The following DNAH11 variants were observed in gnomAD, a reference collection of about 807,000 sequenced individuals.
DNAH11 encodes axonemal beta dynein heavy chain 11.
Under a neutral mutation model 526.0 loss-of-function variants are expected in DNAH11, and 442 were observed. That is an observed-to-expected ratio of 0.84 (90% CI 0.78 to 0.91). DNAH11 has a LOEUF of 0.91. DNAH11 is among the 40% of genes least tolerant of loss of function. DNAH11 has a pLI of 0.00. For missense variants in DNAH11, 6,989 were observed against 5,448.7 expected, an observed-to-expected ratio of 1.28 and a Z score of -8.90; for synonymous variants, 2,461 against 1,935.9, an observed-to-expected ratio of 1.27 and a Z score of -7.12.
At chr7:21,595,694 T>C (rs1784835704) in intron 14 of DNAH11, among the ~76,000 whole-genome samples, 1 of 152,110 alleles carries the variant, frequency 6.6e-6, no homozygotes, top group African/African-American at 2.4e-5. Flanking sequence ...GAGTGGGCTA[T>C]TGGATTTACT....
intron 76 of DNAH11, 66 bp from the exon 77 acceptor site, chr7:21,892,359 G>A: frequency 6.4e-7 from 1 of 1,555,698 alleles, no homozygotes; most frequent in South Asian, 1.2e-5. Flanking sequence ...TTCTCGAAGT[G>A]TTGAGGAAGT....
At chr7:21,581,799 CAGAG>C (rs1195444119) in intron 8 of DNAH11, 102 bp from the exon 9 acceptor site, 12 of 691,670 alleles carry the variant, frequency 1.7e-5, no homozygotes, top group South Asian at 9.2e-5. Flanking sequence ...CACTCAGAGA[CAGAG>C]AGCGAGCGAG....
intron 35 of DNAH11, among the ~76,000 whole-genome samples, chr7:21,695,393 G>A (rs1040129951): frequency 6.6e-6 from 1 of 152,186 alleles, no homozygotes. Flanking sequence ...TACCACAACA[G>A]ATGTATAGAC....
chr7:21,623,338 G>A (rs1786171201), intron 25 of DNAH11, among the ~76,000 whole-genome samples: 1 of 150,840 alleles, frequency 6.6e-6, no homozygotes. Context: ...AGGATGTGGA[G>A]AAATAGGAAC....
intron 28 of DNAH11, among the ~76,000 whole-genome samples, chr7:21,649,356 T>C (rs1180731439): frequency 6.6e-6 from 1 of 152,214 alleles, no homozygotes; most frequent in Non-Finnish European, 1.5e-5. Context: ...AGCCACTTTA[T>C]TTATAATAGT....
rs1352433943 is a variant in DNAH11 at position 21,735,857 on chromosome 7, G to C, written c.7645+13G>C. On this transcript the variant is annotated intron_variant, in intron 46 of 81. Coordinates refer to ENST00000409508, the MANE Select transcript of DNAH11 (RefSeq NM_001277115.2). Reference sequence around the variant, plus strand: ...ACAGCTCTGCAAAGTAAGTGCACCTGTTTATTTTCTAGAAACAAGGGATCA... The same window carrying C: ...ACAGCTCTGCAAAGTAAGTGCACCTCTTTATTTTCTAGAAACAAGGGATCA... The C allele has an allele frequency of 1.3e-6, 2 of 1,574,304 alleles. No individual in the cohort carries two copies. The highest frequency in any genetic ancestry group is 1.7e-6 in the Non-Finnish European group (2 of 1,157,382).
chr7:21,723,859 C>T (rs527776206), intron 44 of DNAH11, among the ~76,000 whole-genome samples: 3 of 151,690 alleles, frequency 2.0e-5, no homozygotes, highest in African/African-American at 7.3e-5. Context: ...AAGATGCCTT[C>T]CCTGAACATC....
At chr7:21,578,448 G>T (rs760512903) in intron 8 of DNAH11, among the ~76,000 whole-genome samples, 4 of 152,218 alleles carry the variant, frequency 2.6e-5, no homozygotes, top group Non-Finnish European at 5.9e-5. Flanking sequence ...CTCCACCCCT[G>T]TGGCTCTGCA....
chr7:21,796,097 T>C (rs1050481525), intron 61 of DNAH11, among the ~76,000 whole-genome samples: 3 of 152,038 alleles, frequency 2.0e-5, no homozygotes, highest in Admixed American at 6.5e-5. Flanking sequence ...GGTTAAGAGG[T>C]AAGTGTTTGT....
In DNAH11 at chr7:21,555,377, C is replaced by G. The variant is rs548251688; in HGVS notation, c.496-3425C>G. On this transcript the variant is annotated intron_variant, in intron 2 of 81. Coordinates refer to ENST00000409508, the MANE Select transcript of DNAH11 (RefSeq NM_001277115.2). ...TCTGGGGGAATGTCAGAGGGAGTCT[C>G]TTTGGCTCCCTCTTTCCTTTGGCCC... is the stretch of plus-strand genomic sequence containing the variant. 1.8e-4 allele frequency among the ~76,000 whole-genome samples: 27 copies of G among 152,316 alleles called. No homozygotes were observed. In the South Asian group the frequency reaches 4.4e-3, roughly 25 times the overall value.
chr7:21,588,394 A>T, intron 10 of DNAH11, 118 bp from the exon 11 acceptor site: 1 of 1,382,506 alleles, frequency 7.2e-7, no homozygotes, highest in Non-Finnish European at 9.9e-7. Context: ...TCAAGTGATT[A>T]AACACATATG....
chr7:21,603,598 A>G (rs533617553), intron 18 of DNAH11, among the ~76,000 whole-genome samples: 15 of 152,368 alleles, frequency 9.8e-5, no homozygotes, highest in African/African-American at 3.6e-4. Context: ...GAATTACTGT[A>G]TATGAATTGT....
At chr7:21,647,907 G>A (rs1787435420) in intron 28 of DNAH11, among the ~76,000 whole-genome samples, 1 of 152,064 alleles carries the variant, frequency 6.6e-6, no homozygotes, top group African/African-American at 2.4e-5. Context: ...AAATGTTAGA[G>A]AAAGTTCTTC....
chr7:21,816,566 A>T lies in DNAH11; in HGVS notation c.10432A>T (p.Met3478Leu). The stretch of plus-strand genomic sequence containing the variant: ...TAACGAAGGACTGCCCAGTGACAGA[A>T]TGTCCACCGAAAATGCCGCTATCCT... ...WNNEGLPSDRMSTENAAILTH... is the reference protein window; with the variant it reads ...WNNEGLPSDRLSTENAAILTH... The change falls in exon 64 of 82, where the codon ATG (methionine) becomes TTG (leucine). Residue 3478 changes from methionine (M) to leucine (L), a missense_variant. Coordinates refer to ENST00000409508, the MANE Select transcript of DNAH11 (RefSeq NM_001277115.2). 1 of 1,613,412 alleles carries T rather than the reference A, an allele frequency of 6.2e-7. No homozygotes were observed. The highest frequency in any genetic ancestry group is 2.2e-5 in the East Asian group (1 of 44,856).
At chr7:21,749,132 G>T (rs1468794722) in intron 52 of DNAH11, among the ~76,000 whole-genome samples, 3 of 152,080 alleles carry the variant, frequency 2.0e-5, no homozygotes, top group Non-Finnish European at 4.4e-5. Context: ...TTCCACATTG[G>T]ATAAGAACAG....
intron 14 of DNAH11, among the ~76,000 whole-genome samples, chr7:21,592,977 G>A (rs367786545): frequency 6.6e-6 from 1 of 152,166 alleles, no homozygotes; most frequent in South Asian, 2.1e-4. Flanking sequence ...TGTGTCTTGT[G>A]TTCAGGGCAA....
intron 2 of DNAH11, among the ~76,000 whole-genome samples, chr7:21,552,360 A>G (rs571458263): frequency 1.3e-5 from 2 of 152,312 alleles, no homozygotes; most frequent in South Asian, 4.1e-4. Context: ...AAACCTAAAA[A>G]TTTTTGGAGT....
At chr7:21,622,079 C>T (rs571543699) in intron 25 of DNAH11, among the ~76,000 whole-genome samples, 5,222 of 152,102 alleles carry the variant, frequency 0.034, 267 homozygotes, top group African/African-American at 0.12. Context: ...CCCATTGTCT[C>T]AGCCCAAAAT....
intron 25 of DNAH11, among the ~76,000 whole-genome samples, chr7:21,632,415 C>T (rs889848999): frequency 4.6e-5 from 7 of 152,260 alleles, no homozygotes; most frequent in South Asian, 2.1e-4. Context: ...ATCACATTGT[C>T]GGGCTACAAA....
Sources: allele counts gnomAD v4.1 joint callset (sites outside exome capture counted in the v4.1 genomes callset), GRCh38; gene constraint gnomAD v4.1.1; transcripts MANE v1.5; gene names NCBI Gene and HGNC (gene_info 2026-07-23, HGNC 2026-07-21).